Variants in DTNA observed in about 807,000 individuals in gnomAD.
DTNA encodes the protein dystrobrevin alpha, also known as dystrophin-related protein 3.
A neutral mutation model predicts 100.7 loss-of-function variants in DTNA; 43 were observed. The observed-to-expected ratio is 0.43, with a 90% CI of 0.33 to 0.55. The LOEUF is 0.55. Among genes scored for constraint, DTNA ranks in the 20% least tolerant of loss-of-function variants. The pLI, the probability that DTNA is intolerant of heterozygous loss-of-function variation, is 0.04. For missense variants in DTNA, 798 were observed against 953.9 expected (o/e 0.84, Z 2.15); for synonymous variants, 349 against 347.9 (o/e 1.00, Z -0.04).
At chr18:34,759,728 C>T (rs1042713047) in intron 2 of DTNA, among the ~76,000 whole-genome samples, 1 of 152,212 alleles carries the variant, frequency 6.6e-6, no homozygotes, top group African/African-American at 2.4e-5. Flanking sequence ...GTCGCCCAGG[C>T]TGGAGTGCAG....
intron 1 of DTNA, among the ~76,000 whole-genome samples, chr18:34,577,864 T>C (rs1486575668): frequency 6.6e-6 from 1 of 152,162 alleles, no homozygotes; most frequent in Non-Finnish European, 1.5e-5. Context: ...CGTTGATTGA[T>C]GGGCATTTGG....
intron 4 of DTNA, among the ~76,000 whole-genome samples, chr18:34,804,890 A>G (rs2095321467): frequency 6.6e-6 from 1 of 152,214 alleles, no homozygotes; most frequent in African/African-American, 2.4e-5. Flanking sequence ...AATGACAGCG[A>G]CAGTGATAAA....
intron 1 of DTNA, among the ~76,000 whole-genome samples, chr18:34,541,480 G>A (rs1334231218): frequency 6.6e-6 from 1 of 151,932 alleles, no homozygotes. Flanking sequence ...AGTCTCATGA[G>A]GTGTGATGGT....
intron 1 of DTNA, among the ~76,000 whole-genome samples, chr18:34,637,453 A>AAT (rs1403694652): frequency 4.6e-5 from 7 of 152,266 alleles, no homozygotes; most frequent in Non-Finnish European, 7.4e-5. Flanking sequence ...CCAAAAGGAG[A>AAT]ATATATATAA....
chr18:34,675,294 C>CA (rs1367040139), intron 1 of DTNA, among the ~76,000 whole-genome samples: 1 of 151,998 alleles, frequency 6.6e-6, no homozygotes, highest in Non-Finnish European at 1.5e-5. Flanking sequence ...CCCCTGGGGG[C>CA]AAAATCACCC....
intron 1 of DTNA, among the ~76,000 whole-genome samples, chr18:34,642,818 A>G (rs1340884791): frequency 6.6e-6 from 1 of 152,026 alleles, no homozygotes; most frequent in Non-Finnish European, 1.5e-5. Context: ...CGACCTCCCA[A>G]AGTGCTGGGA....
In DTNA at chr18:34,877,661, TAAAA is replaced by T. The variant is rs1249906458; in HGVS notation, c.1904-56_1904-53del. ...TAATGGGAAGGATAAATAAACAACA[TAAAA>T]ATTTAGGATAGAAGGAAGCTTTGGT... On this transcript the variant is annotated intron_variant, in intron 18 of 22. Coordinates refer to ENST00000444659, the MANE Select transcript of DTNA (RefSeq NM_001386795.1). 2.0e-6 allele frequency: 3 copies of T among 1,496,928 alleles called. No homozygotes were observed. The African/African-American group carries it at 4.2e-5, about 21-fold the overall frequency. The allele number at this position is 1,496,928 out of a possible 1,614,324, so 92.7% of individuals were successfully genotyped here.
chr18:34,598,271 G>C (rs915031737), intron 1 of DTNA, among the ~76,000 whole-genome samples: 3 of 150,962 alleles, frequency 2.0e-5, no homozygotes, highest in Non-Finnish European at 4.4e-5. Context: ...CAACAAGAGA[G>C]TAGAAATTTA....
At chr18:34,878,479 A>T (rs1213180988) in intron 19 of DTNA, among the ~76,000 whole-genome samples, 1 of 152,084 alleles carries the variant, frequency 6.6e-6, no homozygotes, top group Admixed American at 6.5e-5. Context: ...TGTATTATTT[A>T]TCTTTTTTTG....
intron 1 of DTNA, among the ~76,000 whole-genome samples, chr18:34,644,914 T>C (rs534787579): frequency 6.6e-6 from 1 of 152,136 alleles, no homozygotes; most frequent in Non-Finnish European, 1.5e-5. Flanking sequence ...GAAAATATTT[T>C]AATGTATACT....
At chr18:34,844,696 C>T (rs2096343419) in intron 13 of DTNA, among the ~76,000 whole-genome samples, 1 of 152,028 alleles carries the variant, frequency 6.6e-6, no homozygotes, top group African/African-American at 2.4e-5. Flanking sequence ...TATGCTTTTG[C>T]TTTTGCATTT....
At chr18:34,508,108 A>T (rs1265588330) in intron 1 of DTNA, among the ~76,000 whole-genome samples, 1 of 152,130 alleles carries the variant, frequency 6.6e-6, no homozygotes, top group Non-Finnish European at 1.5e-5. Flanking sequence ...TTTGTGGTTG[A>T]CATCAAAAAA....
chr18:34,783,013 G>A (rs77551951), intron 3 of DTNA, among the ~76,000 whole-genome samples: 21,456 of 152,092 alleles, frequency 0.14, 1,600 homozygotes, highest in African/African-American at 0.17. Flanking sequence ...TAAAATGACT[G>A]TCCACAGGAG....
At chr18:34,506,068 A>G (rs1377649847) in intron 1 of DTNA, among the ~76,000 whole-genome samples, 3 of 152,190 alleles carry the variant, frequency 2.0e-5, no homozygotes, top group African/African-American at 2.4e-5. Flanking sequence ...GGGACTTCAC[A>G]TTACTGTAGG....
At chr18:34,761,996 G>A (rs554661219) in intron 2 of DTNA, among the ~76,000 whole-genome samples, 460 of 152,156 alleles carry the variant, frequency 3.0e-3, no homozygotes, top group Non-Finnish European at 4.8e-3. Context: ...AAAAAGTATA[G>A]ATTCTTTGGA....
chr18:34,600,699 T>C lies in DTNA; in HGVS notation c.-2+107185T>C, dbSNP rs574246415. The stretch of plus-strand genomic sequence containing the variant: ...TCCCAGATGCATCCAATGTTTGAAG[T>C]TATTTTGTAGGTAAGAGACATTTAT... On this transcript the variant is annotated intron_variant, in intron 1 of 19. Coordinates refer to the DTNA transcript ENST00000283365. Among the ~76,000 whole-genome samples the C allele has an allele frequency of 2.0e-5, 3 of 152,306 alleles. No individual in the cohort carries two copies. In the East Asian group the frequency reaches 5.8e-4, roughly 29 times the overall value.
chr18:34,622,746 G>C (rs1157670539), intron 1 of DTNA, among the ~76,000 whole-genome samples: 1 of 152,008 alleles, frequency 6.6e-6, no homozygotes, highest in Non-Finnish European at 1.5e-5. Flanking sequence ...GTTATTCCTC[G>C]TGCCCCTCTC....
At chr18:34,597,073 A>C (rs879760381) in intron 1 of DTNA, among the ~76,000 whole-genome samples, 41 of 151,386 alleles carry the variant, frequency 2.7e-4, no homozygotes, top group Admixed American at 4.6e-4. Context: ...TCATTGTTCA[A>C]CTCCCACTTA....
intron 15 of DTNA, 101 bp downstream of exon 15, chr18:34,852,029 C>G (rs2096486907): frequency 8.5e-7 from 1 of 1,173,198 alleles, no homozygotes; most frequent in Non-Finnish European, 1.2e-6. Flanking sequence ...CCCTGTATGG[C>G]TACTCAAGGG....
Sources: allele counts gnomAD v4.1 joint callset (sites outside exome capture counted in the v4.1 genomes callset), GRCh38; gene constraint gnomAD v4.1.1; transcripts MANE v1.5; gene names NCBI Gene and HGNC (gene_info 2026-07-23, HGNC 2026-07-21).